EIF4E: variants seen among roughly 807,000 people sequenced by gnomAD.
EIF4E encodes eukaryotic translation initiation factor 4E.
For synonymous variants in EIF4E, 71 were observed against 88.5 expected (o/e 0.80, Z 1.11); for missense variants, 113 against 265.6 (o/e 0.43, Z 3.99).
At chr4:98,906,068 C>T (rs1178256564) in intron 1 of EIF4E, among the ~76,000 whole-genome samples, 2 of 152,148 alleles carry the variant, frequency 1.3e-5, no homozygotes, top group East Asian at 1.9e-4. Context: ...TTTGAACATT[C>T]AAGATTTCTC....
rs1405883047 is a variant in EIF4E at position 98,887,212 on chromosome 4, C to G, written c.286-20G>C. On this transcript the variant is annotated intron_variant, in intron 4 of 6. Coordinates refer to ENST00000450253, the MANE Select transcript of EIF4E (RefSeq NM_001968.5). The surrounding 1 kb of genome is among the most constrained non-coding windows in gnomAD (Gnocchi z 4.0). ...ACCATCCTACAGGGTTAGAAGACAACAGTATTACACAACATTGTTACCTTG... is the reference window on the plus strand; with the variant it reads ...ACCATCCTACAGGGTTAGAAGACAAGAGTATTACACAACATTGTTACCTTG... The G allele has an allele frequency of 8.1e-6, 13 of 1,605,884 alleles. No individual in the cohort carries two copies. The Admixed American group carries it at 2.2e-4, about 27-fold the overall frequency.
rs1723613838 is a variant in EIF4E at position 98,880,025 on chromosome 4, T to C, written c.*1003A>G. 1.3e-5 allele frequency: 2 copies of C among 152,578 alleles called. No individual in the cohort carries two copies. Among genetic ancestry groups the C allele is most frequent in the African/African-American group, 2.4e-5 (1 of 41,446 alleles). 9.5% of individuals were successfully genotyped at this position (152,578 alleles called of 1,614,324 possible). A position where few individuals can be genotyped will look rare whatever the true frequency, so the allele number is the denominator to read the frequency against. Reference sequence around the variant, plus strand: ...CAATAAGAAGTACAAATTCCTTCTATAAAGATGGAGAAATAAAAGGACAAA... The same window carrying C: ...CAATAAGAAGTACAAATTCCTTCTACAAAGATGGAGAAATAAAAGGACAAA... On this transcript the variant is annotated 3_prime_UTR_variant, in exon 7 of 7. Transcript: ENST00000450253.
intron 1 of EIF4E, among the ~76,000 whole-genome samples, chr4:98,902,651 T>C (rs1478621776): frequency 6.6e-6 from 1 of 152,108 alleles, no homozygotes; most frequent in Non-Finnish European, 1.5e-5. Flanking sequence ...CATATGGTAC[T>C]GAAGGGGGTA....
At chr4:98,896,844 T>G (rs1249053894) in intron 2 of EIF4E, among the ~76,000 whole-genome samples, 1 of 151,972 alleles carries the variant, frequency 6.6e-6, no homozygotes, top group East Asian at 1.9e-4. Flanking sequence ...GGTGCATGCC[T>G]GTGGGGCCCC....
At chr4:98,896,344 C>T (rs900943685) in intron 2 of EIF4E, among the ~76,000 whole-genome samples, 22 of 150,578 alleles carry the variant, frequency 1.5e-4, no homozygotes, top group African/African-American at 4.9e-4. Flanking sequence ...TGCACGCCAA[C>T]GTGAGTGATA....
chr4:98,909,952 A>C, intron 1 of EIF4E: 1 of 518,508 alleles, frequency 1.9e-6, no homozygotes, highest in South Asian at 3.4e-5. Context: ...GCATTTCCTC[A>C]CAGCACCCTC....
At chr4:98,909,861 G>A (rs918459667) in intron 1 of EIF4E, 15 of 656,830 alleles carry the variant, frequency 2.3e-5, no homozygotes, top group African/African-American at 1.3e-4. Context: ...TCCCCCAAGC[G>A]CCATGAGAAG....
At chr4:98,892,073 G>A (rs1195230452) in intron 2 of EIF4E, among the ~76,000 whole-genome samples, 1 of 152,132 alleles carries the variant, frequency 6.6e-6, no homozygotes, top group African/African-American at 2.4e-5. Flanking sequence ...AGAGCTGGGC[G>A]CGGTGGTTCA....
At chr4:98,915,440 A>C (rs532229405) in intron 1 of EIF4E, among the ~76,000 whole-genome samples, 1 of 152,342 alleles carries the variant, frequency 6.6e-6, no homozygotes, top group South Asian at 2.1e-4. Flanking sequence ...AGTTATATTA[A>C]AGCCCAAATA....
intron 1 of EIF4E, among the ~76,000 whole-genome samples, chr4:98,917,118 A>ACACG (rs1244792249): frequency 3.6e-5 from 2 of 55,002 alleles, no homozygotes; most frequent in Non-Finnish European, 6.9e-5. Flanking sequence ...ACACACACAC[A>ACACG]CACACACACA....
intron 1 of EIF4E, among the ~76,000 whole-genome samples, chr4:98,916,779 T>A (rs1430128437): frequency 6.6e-6 from 1 of 152,090 alleles, no homozygotes; most frequent in Non-Finnish European, 1.5e-5. Context: ...ATTCAAGGCC[T>A]CAAAAATTTT....
rs1013144775 is a variant in EIF4E at position 98,929,065 on chromosome 4, G to A, written c.18+30C>T. On this transcript the variant is annotated intron_variant, in intron 1 of 6. Coordinates refer to ENST00000450253, the MANE Select transcript of EIF4E (RefSeq NM_001968.5). ...GAAGGAAGACGGAGCGCGGGGACCCGTGGGGGTGGGGGCCAAAGGCAATAC... is the reference window on the plus strand; with the variant it reads ...GAAGGAAGACGGAGCGCGGGGACCCATGGGGGTGGGGGCCAAAGGCAATAC... The A allele has an allele frequency of 4.4e-6, 7 of 1,577,628 alleles. No homozygotes were observed. The African/African-American group carries it at 6.7e-5, about 15-fold the overall frequency.
At chr4:98,919,302 T>C (rs1725542187) in intron 1 of EIF4E, among the ~76,000 whole-genome samples, 1 of 129,572 alleles carries the variant, frequency 7.7e-6, no homozygotes, top group African/African-American at 2.7e-5. Context: ...AGACACCATC[T>C]CAAAACAAAA....
chr4:98,890,889 G>A (rs534819767), intron 3 of EIF4E: 1 of 273,422 alleles, frequency 3.7e-6, no homozygotes, highest in East Asian at 9.1e-5. Context: ...CAGAAATGAG[G>A]ACCCAACAAC....
chr4:98,885,086 T>C, intron 5 of EIF4E, 25 bp from the exon 6 acceptor site: 4 of 1,602,436 alleles, frequency 2.5e-6, no homozygotes, highest in Non-Finnish European at 3.4e-6. Context: ...CCAAATTACA[T>C]TTAATAGATT....
At chr4:98,904,147 G>C (rs758470169) in intron 1 of EIF4E, among the ~76,000 whole-genome samples, 2 of 152,276 alleles carry the variant, frequency 1.3e-5, no homozygotes, top group African/African-American at 2.4e-5. Context: ...GCCAAAACTT[G>C]CAACTGCCCA....
intron 1 of EIF4E, among the ~76,000 whole-genome samples, chr4:98,921,863 T>G (rs1027240409): frequency 2.6e-5 from 4 of 152,172 alleles, no homozygotes; most frequent in Admixed American, 2.6e-4. Flanking sequence ...GAAATCAAAT[T>G]AGAAAGGGGG....
At chr4:98,892,121 C>T (rs1325795011) in intron 2 of EIF4E, among the ~76,000 whole-genome samples, 2 of 151,640 alleles carry the variant, frequency 1.3e-5, no homozygotes, top group African/African-American at 2.4e-5. Flanking sequence ...CTGAGGTGGG[C>T]GGATCACCTG....
intron 3 of EIF4E, among the ~76,000 whole-genome samples, chr4:98,889,958 T>C (rs1318935864): frequency 6.6e-6 from 1 of 152,206 alleles, no homozygotes; most frequent in Non-Finnish European, 1.5e-5. Context: ...ACTAGAAAAC[T>C]AGACCTATAA....
Sources: allele counts gnomAD v4.1 joint callset (sites outside exome capture counted in the v4.1 genomes callset), GRCh38; gene constraint gnomAD v4.1.1; non-coding constraint Gnocchi (gnomAD v3.1); transcripts MANE v1.5; gene names NCBI Gene and HGNC (gene_info 2026-07-23, HGNC 2026-07-21).